Variants in MAGI1 observed in about 807,000 individuals in gnomAD.
MAGI1 encodes the protein membrane-associated guanylate kinase, WW and PDZ domain-containing protein 1.
A neutral mutation model predicts 139.9 loss-of-function variants in MAGI1; 58 were observed. The ratio of observed to expected loss-of-function variants is 0.41; its 90% CI spans 0.34 to 0.52. The LOEUF is 0.52. Ranked by LOEUF, MAGI1 falls within the 20% of genes least tolerant of loss-of-function variation. The pLI is 0.12. For missense variants in MAGI1, 1,874 were observed against 1,901.6 expected, an observed-to-expected ratio of 0.99 and a Z score of 0.27; for synonymous variants, 812 against 737.9, an observed-to-expected ratio of 1.10 and a Z score of -1.63.
At position 66,032,377 on chromosome 3, in the gene MAGI1, A is replaced by ATTTT. The variant is rs781376605; in HGVS notation, c.313+5615_313+5618dup. Among the ~76,000 whole-genome samples, 61 of 128,712 alleles carry ATTTT rather than the reference A, an allele frequency of 4.7e-4. 3 individuals carry two copies. The highest frequency in any genetic ancestry group is 9.3e-4 in the African/African-American group (32 of 34,234). 84.4% of individuals were successfully genotyped at this position (128,712 alleles called of 152,430 possible). A position where few individuals can be genotyped will look rare whatever the true frequency, so the allele number is the denominator to read the frequency against. ...AGGCGCCCACCACCACGCCCGGCTA[A>ATTTT]TTTTTTTGTTTTTTTTTTTTTTTTA... On this transcript the variant is annotated intron_variant, in intron 1 of 22. Transcript: ENST00000402939.
intron 1 of MAGI1, among the ~76,000 whole-genome samples, chr3:65,692,108 T>A (rs558680197): frequency 2.0e-5 from 3 of 152,126 alleles, no homozygotes; most frequent in Non-Finnish European, 2.9e-5. Context: ...TAAGACCTTT[T>A]TTTAAAAAAA....
intron 1 of MAGI1, among the ~76,000 whole-genome samples, chr3:65,955,795 C>T (rs2064096356): frequency 6.6e-6 from 1 of 151,916 alleles, no homozygotes; most frequent in Non-Finnish European, 1.5e-5. Context: ...AGTCTCTCAG[C>T]AATTGTAGCA....
intron 1 of MAGI1, among the ~76,000 whole-genome samples, chr3:65,937,628 T>C (rs1223144058): frequency 6.6e-6 from 1 of 152,158 alleles, no homozygotes; most frequent in African/African-American, 2.4e-5. Context: ...CAAGCACAAC[T>C]GGCTATGCCT....
chr3:65,610,779 GTATATAGTA>G (rs1228915094), intron 2 of MAGI1, among the ~76,000 whole-genome samples: 650 of 43,240 alleles, frequency 0.015, 13 homozygotes, highest in Middle Eastern at 0.067. Context: ...TATATATACT[GTATATAGTA>G]TATATAGTAT....
At chr3:65,874,372 A>G (rs1300633214) in intron 1 of MAGI1, 1 of 152,232 alleles carries the variant, frequency 6.6e-6, no homozygotes, top group Non-Finnish European at 1.5e-5. Flanking sequence ...AAAATCACAC[A>G]TCTGATAAAG....
At chr3:65,723,206 A>C (rs2033239441) in intron 1 of MAGI1, among the ~76,000 whole-genome samples, 2 of 152,192 alleles carry the variant, frequency 1.3e-5, no homozygotes, top group South Asian at 4.1e-4. Flanking sequence ...GAGTGCAGCT[A>C]GGAGTGAAAC....
At chr3:65,488,289 C>G (rs1951756003) in intron 3 of MAGI1, among the ~76,000 whole-genome samples, 1 of 152,164 alleles carries the variant, frequency 6.6e-6, no homozygotes, top group African/African-American at 2.4e-5. Context: ...TTTCTATAAG[C>G]TTCTGGAGCG....
At chr3:65,861,594 C>T (rs1368431584) in intron 1 of MAGI1, among the ~76,000 whole-genome samples, 2 of 152,068 alleles carry the variant, frequency 1.3e-5, no homozygotes, top group Admixed American at 1.3e-4. Context: ...GGTAACAGTG[C>T]AGCATGAACA....
intron 1 of MAGI1, among the ~76,000 whole-genome samples, chr3:65,984,511 A>AGTGTGTGT (rs1302552327): frequency 5.3e-5 from 5 of 94,686 alleles, no homozygotes; most frequent in African/African-American, 2.0e-4. Flanking sequence ...TTCAAAATAA[A>AGTGTGTGT]ATGTGTGTGT....
rs1013421333 is a variant in MAGI1 at position 65,566,736 on chromosome 3, A to G, written c.430+55236T>C. Among the ~76,000 whole-genome samples the G allele has an allele frequency of 2.0e-5, 3 of 152,140 alleles. No individual in the cohort carries two copies. In the East Asian group the frequency reaches 5.8e-4, roughly 29 times the overall value. On this transcript the variant is annotated intron_variant, in intron 2 of 22. Transcript: ENST00000402939. ...AATATATTTTTAAATGTATTTTTAA[A>G]TGGCATTGCTTCTGAAAGCAGACAA...
intron 1 of MAGI1, among the ~76,000 whole-genome samples, chr3:65,788,187 G>A (rs9883194): frequency 4.4e-4 from 67 of 152,354 alleles, no homozygotes; most frequent in African/African-American, 1.5e-3. Flanking sequence ...GGCAGGACTA[G>A]CAAGTCACAC....
chr3:65,453,534 C>G (rs191395096), intron 5 of MAGI1, among the ~76,000 whole-genome samples, 194 bp from the exon 6 acceptor site: 6 of 152,152 alleles, frequency 3.9e-5, no homozygotes, highest in African/African-American at 1.4e-4. Flanking sequence ...CTTAGGTAGG[C>G]TTTTTACTTA....
chr3:65,755,995 C>T (rs1449102777), intron 1 of MAGI1, among the ~76,000 whole-genome samples: 6 of 152,140 alleles, frequency 3.9e-5, no homozygotes, highest in Admixed American at 1.3e-4. Flanking sequence ...TAAGCTCTCC[C>T]CTTAAGTCTT....
At chr3:65,475,354 C>T (rs910844019) in intron 4 of MAGI1, among the ~76,000 whole-genome samples, 2 of 152,086 alleles carry the variant, frequency 1.3e-5, no homozygotes, top group Non-Finnish European at 2.9e-5. Flanking sequence ...GCTTGTATTA[C>T]AGGCACCCAC....
chr3:65,553,177 G>GA (rs1185496824), intron 2 of MAGI1, among the ~76,000 whole-genome samples: 2 of 151,622 alleles, frequency 1.3e-5, no homozygotes, highest in Non-Finnish European at 2.9e-5. Context: ...AAGATGGATG[G>GA]AAAAATTAAG....
chr3:65,643,866 G>A (rs527902199), intron 1 of MAGI1, among the ~76,000 whole-genome samples: 2 of 152,184 alleles, frequency 1.3e-5, no homozygotes, highest in East Asian at 1.9e-4. Flanking sequence ...AGACTGTATT[G>A]GGGTCACCTA....
intron 1 of MAGI1, among the ~76,000 whole-genome samples, chr3:66,008,445 A>C (rs1439214066): frequency 6.6e-6 from 1 of 152,204 alleles, no homozygotes; most frequent in African/African-American, 2.4e-5. Context: ...CACCACATGT[A>C]GGCACTATAC....
At chr3:66,021,514 C>T (rs557065207) in intron 1 of MAGI1, among the ~76,000 whole-genome samples, 2 of 152,250 alleles carry the variant, frequency 1.3e-5, no homozygotes, top group East Asian at 3.9e-4. Flanking sequence ...AGTGTTCATT[C>T]GAGTGTACAG....
intron 1 of MAGI1, among the ~76,000 whole-genome samples, chr3:65,840,785 G>C (rs73136985): frequency 0.047 from 7,136 of 152,094 alleles, 217 homozygotes; most frequent in Admixed American, 0.088. Flanking sequence ...TTTTGATATC[G>C]GGATAAAACT....
Sources: allele counts gnomAD v4.1 joint callset (sites outside exome capture counted in the v4.1 genomes callset), GRCh38; gene constraint gnomAD v4.1.1; transcripts MANE v1.5; gene names NCBI Gene and HGNC (gene_info 2026-07-23, HGNC 2026-07-21).